Variants in GGTA1 observed in about 807,000 individuals in gnomAD.
GGTA1 encodes the protein glycoprotein alpha-galactosyltransferase 1 (inactive).
GGTA1 carries 5 observed loss-of-function variants against 2.6 expected under a neutral mutation model. The observed-to-expected ratio is 1.92, with a 90% CI of 1.00 to 4.04. The LOEUF (loss-of-function observed/expected upper bound fraction) is 4.04. GGTA1 is among the 30% of genes most tolerant of loss of function. The pLI, the probability that GGTA1 is intolerant of heterozygous loss-of-function variation, is 0.00. For missense variants in GGTA1, 50 were observed against 16.7 expected (o/e 2.99, Z -3.47); for synonymous variants, 17 against 5.0 (o/e 3.38, Z -3.19).
Position 121,481,152 on chromosome 9 carries a change from C to CAA in GGTA1, c.-9-13223_-9-13222dup, listed in dbSNP as rs56784223. Among the ~76,000 whole-genome samples the CAA allele has an allele frequency of 1.3e-3, 100 of 78,468 alleles. No individual in the cohort carries two copies. In the South Asian group the frequency reaches 0.018, roughly 14 times the overall value. 51.5% of individuals were successfully genotyped at this position (78,468 alleles called of 152,430 possible). On this transcript the variant is annotated intron_variant, in intron 1 of 5. Coordinates refer to ENST00000481799, the MANE Select transcript of GGTA1 (RefSeq NM_001382585.1). ...TGGGCGACAGAGCAAGACACCATCT[C>CAA]AAAAAAAAAAAAAAAAAAAAAAAAT... is the stretch of plus-strand genomic sequence containing the variant.
chr9:121,449,539 GC>G (rs1429140531), intron 7 of GGTA1, among the ~76,000 whole-genome samples: 22 of 152,188 alleles, frequency 1.4e-4, no homozygotes, highest in African/African-American at 5.1e-4. Flanking sequence ...CATTTGAAAA[GC>G]ATTGCACGCC....
intron 1 of GGTA1, among the ~76,000 whole-genome samples, chr9:121,475,142 G>A (rs1828480321): frequency 6.6e-6 from 1 of 152,158 alleles, no homozygotes; most frequent in Admixed American, 6.5e-5. Flanking sequence ...GACCTTGCTG[G>A]TAAAACAGTT....
intron 1 of GGTA1, among the ~76,000 whole-genome samples, chr9:121,486,357 G>T (rs1315260742): frequency 6.6e-6 from 1 of 152,194 alleles, no homozygotes; most frequent in African/African-American, 2.4e-5. Context: ...TAGGAGGTCC[G>T]CAGTGCACAA....
chr9:121,470,189 G>A lies in GGTA1; in HGVS notation c.-9-2258C>T, dbSNP rs551956966. ...TCACATAAAAGAATACATAACAGTG[G>A]CCTGTGTTAAAAAGTAGGTAGAGAG... On this transcript the variant is annotated intron_variant, in intron 1 of 5. Coordinates refer to ENST00000481799, the MANE Select transcript of GGTA1 (RefSeq NM_001382585.1). 2.0e-5 allele frequency among the ~76,000 whole-genome samples: 3 copies of A among 152,310 alleles called. No individual in the cohort carries two copies. The South Asian group carries it at 6.2e-4, about 32-fold the overall frequency.
chr9:121,460,270 T>C (rs908430517), intron 4 of GGTA1, 51 bp from the exon 5 acceptor site: 5 of 456,202 alleles, frequency 1.1e-5, no homozygotes, highest in Admixed American at 4.7e-5. Flanking sequence ...GTGATTGCGG[T>C]GGTCAGAGAA....
chr9:121,464,829 T>C (rs2064990768), intron 2 of GGTA1, among the ~76,000 whole-genome samples: 1 of 152,202 alleles, frequency 6.6e-6, no homozygotes, highest in Non-Finnish European at 1.5e-5. Context: ...CTAGATGATA[T>C]TCTTTCAATA....
At chr9:121,462,526 A>C (rs1293473016) in intron 3 of GGTA1, 1 of 152,242 alleles carries the variant, frequency 6.6e-6, no homozygotes, top group Non-Finnish European at 1.5e-5. Flanking sequence ...TACAATAAAC[A>C]GAAAAACAAC....
intron 1 of GGTA1, among the ~76,000 whole-genome samples, chr9:121,469,959 A>T (rs1177663668): frequency 6.6e-6 from 1 of 152,174 alleles, no homozygotes; most frequent in Non-Finnish European, 1.5e-5. Context: ...TTTCCCATGG[A>T]AACCTCAATA....
At chr9:121,472,359 T>A (rs1589332645) in intron 1 of GGTA1, among the ~76,000 whole-genome samples, 1 of 152,106 alleles carries the variant, frequency 6.6e-6, no homozygotes, top group Admixed American at 6.6e-5. Flanking sequence ...GAGATAATGT[T>A]GCCCATAAAA....
downstream of GGTA1, among the ~76,000 whole-genome samples, chr9:121,454,661 CTGA>C (rs2118753388): frequency 6.6e-6 from 1 of 152,290 alleles, no homozygotes; most frequent in Non-Finnish European, 1.5e-5. Context: ...CATTCCTCTG[CTGA>C]TGAAGTTGGG....
intron 1 of GGTA1, among the ~76,000 whole-genome samples, chr9:121,478,027 G>A (rs1362959636): frequency 1.3e-5 from 2 of 152,140 alleles, no homozygotes; most frequent in Non-Finnish European, 2.9e-5. Flanking sequence ...ACAACCCAGT[G>A]AAGTTACTCT....
At chr9:121,456,149 T>C (rs1347524870) in intron 5 of GGTA1, among the ~76,000 whole-genome samples, 1 of 152,162 alleles carries the variant, frequency 6.6e-6, no homozygotes, top group African/African-American at 2.4e-5. Flanking sequence ...TCTTTGATAA[T>C]GTCAACTGCC....
intron 1 of GGTA1, among the ~76,000 whole-genome samples, chr9:121,473,799 C>G (rs1028391116): frequency 6.6e-6 from 1 of 152,026 alleles, no homozygotes; most frequent in Non-Finnish European, 1.5e-5. Context: ...TACCTGTAGT[C>G]CCAGCTATTG....
chr9:121,464,168 C>A (rs1011661606), intron 2 of GGTA1, among the ~76,000 whole-genome samples: 1 of 152,176 alleles, frequency 6.6e-6, no homozygotes, highest in African/African-American at 2.4e-5. Flanking sequence ...TGTATTCATG[C>A]TTTAAGCCTC....
intron 1 of GGTA1, among the ~76,000 whole-genome samples, chr9:121,493,640 G>A (rs1021126758): frequency 4.9e-5 from 7 of 143,064 alleles, no homozygotes; most frequent in Admixed American, 1.4e-4. Flanking sequence ...TCTGTCAGCC[G>A]CTGTCTTCCA....
intron 1 of GGTA1, among the ~76,000 whole-genome samples, chr9:121,469,900 CT>C (rs1181343222): frequency 1.3e-5 from 2 of 152,154 alleles, no homozygotes; most frequent in Non-Finnish European, 2.9e-5. Flanking sequence ...CTAAAGCCCT[CT>C]GAAATTACTC....
intron 1 of GGTA1, among the ~76,000 whole-genome samples, chr9:121,474,302 C>T (rs1018109395): frequency 6.6e-6 from 1 of 152,198 alleles, no homozygotes; most frequent in Admixed American, 6.5e-5. Flanking sequence ...GGCCCCAGAC[C>T]ATTTGTAGAA....
chr9:121,492,744 G>A (rs1343546391), intron 1 of GGTA1, among the ~76,000 whole-genome samples: 1 of 152,030 alleles, frequency 6.6e-6, no homozygotes, highest in Non-Finnish European at 1.5e-5. Context: ...AAAGTGCTGG[G>A]ATTACAGGCA....
At chr9:121,468,396 C>T (rs1235555963) in intron 1 of GGTA1, among the ~76,000 whole-genome samples, 1 of 152,190 alleles carries the variant, frequency 6.6e-6, no homozygotes, top group Non-Finnish European at 1.5e-5. Context: ...ATATGTGCCA[C>T]ATTTTCTTTA....
Sources: gnomAD v4.1 joint callset for allele counts (sites outside exome capture counted in the v4.1 genomes callset) on GRCh38, gnomAD v4.1.1 for gene constraint, MANE v1.5 for transcripts, NCBI Gene and HGNC (gene_info 2026-07-23, HGNC 2026-07-21) for gene names.